PHACTR1: variants seen among roughly 807,000 people sequenced by gnomAD.
PHACTR1 encodes phosphatase and actin regulator 1, also known as RPEL repeat containing 1.
PHACTR1 carries 16 observed loss-of-function variants against 69.2 expected under a neutral mutation model. The observed-to-expected ratio is 0.23, with a 90% CI of 0.16 to 0.35. The LOEUF is 0.35. Ranked by LOEUF, PHACTR1 falls within the 10% of genes least tolerant of loss-of-function variation. The probability of loss-of-function intolerance (pLI) is 1.00; values close to 1 mark genes in which losing one functional copy is unlikely to be tolerated. For missense variants in PHACTR1, 510 were observed against 734.7 expected (o/e 0.69, Z 3.54); for synonymous variants, 312 against 284.5 (o/e 1.10, Z -0.97).
At position 12,771,108 on chromosome 6, in the gene PHACTR1, A is replaced by G. The variant is rs376457216; in HGVS notation, c.250+21318A>G. ...AGCTCATGATAACAACATGAGAAAG[A>G]TGGATCAGAGCAGCCCGAAACTAGA... On this transcript the variant is annotated intron_variant, in intron 4 of 14. Coordinates refer to ENST00000332995, the MANE Select transcript of PHACTR1 (RefSeq NM_030948.6). Among the ~76,000 whole-genome samples, 4 of 152,326 alleles carry G rather than the reference A, an allele frequency of 2.6e-5. No individual in the cohort carries two copies. The East Asian group carries it at 5.8e-4, about 22-fold the overall frequency.
At chr6:12,776,175 T>A (rs1490325735) in intron 4 of PHACTR1, among the ~76,000 whole-genome samples, 1 of 152,222 alleles carries the variant, frequency 6.6e-6, no homozygotes, top group East Asian at 1.9e-4. Context: ...GGGATATTTT[T>A]AAAAATATAC....
rs768132 is a variant in PHACTR1, at chr6:13,222,560, C to T, written c.987-5256C>T. ...GTTCTTCATCATTCAGCGAATGCTG[C>T]AGATTCCTGATAATTAATACCTAAG... On this transcript the variant is annotated intron_variant, in intron 8 of 14. Coordinates refer to ENST00000332995, the MANE Select transcript of PHACTR1 (RefSeq NM_030948.6). Among the ~76,000 whole-genome samples the T allele has an allele frequency of 5.3e-3, 803 of 152,342 alleles. 8 individuals carry two copies. Among genetic ancestry groups the T allele is most frequent in the African/African-American group, 0.018 (752 of 41,576 alleles).
chr6:13,038,484 T>C (rs1803672415), intron 4 of PHACTR1, among the ~76,000 whole-genome samples: 2 of 133,592 alleles, frequency 1.5e-5, no homozygotes, highest in South Asian at 4.9e-4. Context: ...AGTGTTCAAG[T>C]GTTTAAAAAA....
At position 12,877,651 on chromosome 6, in the gene PHACTR1, G is replaced by A. The variant is rs1048381764; in HGVS notation, c.250+127861G>A. 1.4e-4 allele frequency among the ~76,000 whole-genome samples: 22 copies of A among 152,048 alleles called. 1 individual carries two copies. Among genetic ancestry groups the A allele is most frequent in the Non-Finnish European group, 2.9e-5 (2 of 68,010 alleles). ...TGCCCCGGGCTTCCCCATTTGTGTG[G>A]CTCTGCGTTTGCTCCCACCTCTTCT... On this transcript the variant is annotated intron_variant, in intron 4 of 14. Transcript: ENST00000332995.
chr6:13,078,943 TG>T (rs997160566), intron 5 of PHACTR1, among the ~76,000 whole-genome samples: 102 of 152,290 alleles, frequency 6.7e-4, no homozygotes, highest in African/African-American at 1.9e-3. Context: ...TTTTGCTGTT[TG>T]GGGGGGTCTA....
At chr6:13,149,196 C>T (rs897651408) in intron 5 of PHACTR1, among the ~76,000 whole-genome samples, 3 of 152,132 alleles carry the variant, frequency 2.0e-5, no homozygotes, top group African/African-American at 7.2e-5. Flanking sequence ...ATCAGCATCT[C>T]CCAGAGGCTT....
At chr6:13,084,240 T>TG (rs1811904360) in intron 5 of PHACTR1, among the ~76,000 whole-genome samples, 1 of 151,836 alleles carries the variant, frequency 6.6e-6, no homozygotes, top group Non-Finnish European at 1.5e-5. Flanking sequence ...TGGATGAAGC[T>TG]GGAAACCATC....
chr6:13,194,563 C>T (rs975394423), intron 7 of PHACTR1, among the ~76,000 whole-genome samples: 4 of 151,530 alleles, frequency 2.6e-5, no homozygotes, highest in African/African-American at 9.7e-5. Flanking sequence ...AGTGACTCTC[C>T]TCTCCAGTCC....
intron 4 of PHACTR1, among the ~76,000 whole-genome samples, chr6:12,846,235 G>A (rs1404733875): frequency 1.3e-5 from 2 of 152,270 alleles, no homozygotes; most frequent in African/African-American, 2.4e-5. Context: ...AAGCATGTGC[G>A]TTTGTCAATA....
intron 4 of PHACTR1, among the ~76,000 whole-genome samples, chr6:13,009,903 T>C (rs951411163): frequency 6.1e-5 from 9 of 147,246 alleles, no homozygotes; most frequent in Non-Finnish European, 1.2e-4. Context: ...CTCTGCCCCC[T>C]ACTGCTTCAG....
chr6:12,730,830 A>G (rs1297602252), intron 3 of PHACTR1, among the ~76,000 whole-genome samples: 2 of 151,942 alleles, frequency 1.3e-5, no homozygotes, highest in Non-Finnish European at 2.9e-5. Flanking sequence ...TTTAGCTCCC[A>G]CTTATAAGTG....
At chr6:13,222,307 G>A (rs750366457) in intron 8 of PHACTR1, among the ~76,000 whole-genome samples, 4 of 152,226 alleles carry the variant, frequency 2.6e-5, no homozygotes, top group Non-Finnish European at 5.9e-5. Flanking sequence ...ACCACTGAGT[G>A]TCATTCAGTA....
rs115174394 is a variant in PHACTR1 at position 13,020,296 on chromosome 6, T to C, written c.251-33069T>C. ...GTTATATGATGATTGTTTTTAGTGT[T>C]GTATTATTTTTATACCCAAGTCCAG... On this transcript the variant is annotated intron_variant, in intron 4 of 14. Transcript: ENST00000332995. Among the ~76,000 whole-genome samples, 1,270 of 152,336 alleles carry C rather than the reference T, an allele frequency of 8.3e-3. 15 individuals are homozygous for C. Among genetic ancestry groups the C allele is most frequent in the South Asian group, 0.057 (276 of 4,822 alleles).
intron 8 of PHACTR1, among the ~76,000 whole-genome samples, chr6:13,210,750 A>G (rs1412795901): frequency 6.6e-6 from 1 of 152,226 alleles, no homozygotes; most frequent in East Asian, 1.9e-4. Flanking sequence ...CACAGTAAGC[A>G]AATGGTATTG....
chr6:12,771,281 A>G (rs1769348459), intron 4 of PHACTR1, among the ~76,000 whole-genome samples: 1 of 152,172 alleles, frequency 6.6e-6, no homozygotes, highest in African/African-American at 2.4e-5. Flanking sequence ...ATGACCATGA[A>G]GGATTAAGGA....
chr6:12,901,099 T>C (rs547546388), intron 4 of PHACTR1, among the ~76,000 whole-genome samples: 19 of 152,264 alleles, frequency 1.2e-4, no homozygotes, highest in African/African-American at 4.3e-4. Context: ...TTTCACTTTG[T>C]TTCTTTGTAA....
At chr6:13,061,380 G>C (rs1399900861) in intron 5 of PHACTR1, among the ~76,000 whole-genome samples, 1 of 152,188 alleles carries the variant, frequency 6.6e-6, no homozygotes, top group Non-Finnish European at 1.5e-5. Flanking sequence ...GATAGGAAAG[G>C]AAAGGTCCAG....
At chr6:12,927,004 C>T (rs1301382115) in intron 4 of PHACTR1, among the ~76,000 whole-genome samples, 1 of 152,234 alleles carries the variant, frequency 6.6e-6, no homozygotes, top group African/African-American at 2.4e-5. Flanking sequence ...GGATCCAGCT[C>T]AGATGTCACC....
At chr6:12,962,036 C>G (rs1266682945) in intron 4 of PHACTR1, among the ~76,000 whole-genome samples, 1 of 152,034 alleles carries the variant, frequency 6.6e-6, no homozygotes, top group Non-Finnish European at 1.5e-5. Context: ...TCAAGTGAAC[C>G]TCCCACCTCA....
Sources: gnomAD v4.1 joint callset for allele counts (sites outside exome capture counted in the v4.1 genomes callset) on GRCh38, gnomAD v4.1.1 for gene constraint, MANE v1.5 for transcripts, NCBI Gene and HGNC (gene_info 2026-07-23, HGNC 2026-07-21) for gene names.